PMFBP1: variants seen among roughly 807,000 people sequenced by gnomAD.
PMFBP1 encodes polyamine modulated factor 1 binding protein 1.
A neutral mutation model predicts 137.8 loss-of-function variants in PMFBP1; 131 were observed. The observed-to-expected ratio is 0.95, with a 90% CI of 0.82 to 1.10. The LOEUF is 1.10. PMFBP1 is among the 50% of genes least tolerant of loss of function. PMFBP1 has a pLI of 0.00. For synonymous variants in PMFBP1, 490 were observed against 450.4 expected (o/e 1.09, Z -1.11); for missense variants, 1,199 against 1,175.4 (o/e 1.02, Z -0.29).
At position 72,139,335 on chromosome 16, in the gene PMFBP1, T is replaced by C; in HGVS notation, c.872A>G (p.His291Arg). ...TTCTGAGGAGCTAGGAGGGTATCTG[T>C]GGGTGGCTGTACAGGAAGCAAAATC... ...QADFASCTAT[H>R]RYPPSSSEEC... The change falls in exon 7 of 21, where the codon CAC becomes CGC. Residue 291 changes from histidine (H) to arginine (R), a missense_variant. Transcript: ENST00000237353. 3 of 1,614,162 alleles carry C rather than the reference T, an allele frequency of 1.9e-6. No homozygotes were observed. Among genetic ancestry groups the C allele is most frequent in the Non-Finnish European group, 2.5e-6 (3 of 1,180,010 alleles).
At chr16:72,210,600 CATA>C in the PMFBP1 span, among the ~76,000 whole-genome samples, 1 of 152,128 alleles carries the variant, frequency 6.6e-6, no homozygotes, top group Non-Finnish European at 1.5e-5. Flanking sequence ...TTACTCCTGG[CATA>C]ATATTCTTTT....
chr16:72,208,159 C>T, the PMFBP1 span, among the ~76,000 whole-genome samples: 2 of 152,232 alleles, frequency 1.3e-5, no homozygotes, highest in South Asian at 2.1e-4. Context: ...CTCATACACA[C>T]ACCCAAGATA....
the PMFBP1 span, among the ~76,000 whole-genome samples, chr16:72,205,511 G>C: frequency 6.6e-6 from 1 of 152,154 alleles, no homozygotes; most frequent in Non-Finnish European, 1.5e-5. Flanking sequence ...GGATTGCTGT[G>C]GGTAGGGTGA....
At chr16:72,235,972 A>G in the PMFBP1 span, among the ~76,000 whole-genome samples, 6 of 152,076 alleles carry the variant, frequency 3.9e-5, no homozygotes, top group Non-Finnish European at 7.4e-5. Context: ...TCCAATCTGG[A>G]AGCTTTTAAT....
chr16:72,155,267 G>C (rs901159292), intron 3 of PMFBP1, among the ~76,000 whole-genome samples: 17 of 152,054 alleles, frequency 1.1e-4, no homozygotes, highest in Admixed American at 2.0e-4. Flanking sequence ...AGGTTAAGGT[G>C]GATAAAGAGG....
the PMFBP1 span, among the ~76,000 whole-genome samples, chr16:72,203,388 T>A: frequency 2.0e-5 from 3 of 152,228 alleles, no homozygotes; most frequent in Non-Finnish European, 4.4e-5. Context: ...AACTTTCCAA[T>A]GTTCCTTCCT....
intron 1 of PMFBP1, 137 bp downstream of exon 1, chr16:72,171,917 C>CAA (rs1448813945): frequency 2.0e-5 from 3 of 152,182 alleles, no homozygotes; most frequent in African/African-American, 7.2e-5. Context: ...CCCAGGAAAC[C>CAA]AAAGATCTTT....
the PMFBP1 span, among the ~76,000 whole-genome samples, chr16:72,204,025 G>C: frequency 2.5e-3 from 384 of 152,214 alleles, 1 homozygote; most frequent in Non-Finnish European, 4.2e-3. Flanking sequence ...TGTCCTTCCC[G>C]CTGCTTGGGA....
chr16:72,226,379 C>G, the PMFBP1 span, among the ~76,000 whole-genome samples: 1 of 152,184 alleles, frequency 6.6e-6, no homozygotes, highest in African/African-American at 2.4e-5. Flanking sequence ...TGCCCTGGTT[C>G]TGTCAAGGTC....
the PMFBP1 span, among the ~76,000 whole-genome samples, chr16:72,213,896 C>T: frequency 6.6e-6 from 1 of 152,160 alleles, no homozygotes; most frequent in Non-Finnish European, 1.5e-5. Flanking sequence ...AATCATAGTT[C>T]ACTACTTGGC....
chr16:72,174,769 C>T (rs2043251476), upstream of PMFBP1, among the ~76,000 whole-genome samples: 1 of 152,186 alleles, frequency 6.6e-6, no homozygotes, highest in South Asian at 2.1e-4. Flanking sequence ...CTCGTGAGAA[C>T]TCATTCACTA....
At chr16:72,240,755 G>GT in the PMFBP1 span, among the ~76,000 whole-genome samples, 1 of 152,236 alleles carries the variant, frequency 6.6e-6, no homozygotes, top group Non-Finnish European at 1.5e-5. Flanking sequence ...TGTTATGTCA[G>GT]TACAATTAGG....
At chr16:72,119,769 TTTC>T in intron 20 of PMFBP1, 79 bp downstream of exon 20, 3 of 1,556,082 alleles carry the variant, frequency 1.9e-6, no homozygotes, top group Non-Finnish European at 2.6e-6. Context: ...AAAGGCCTAT[TTTC>T]TTCTTCCTAC....
the PMFBP1 span, among the ~76,000 whole-genome samples, chr16:72,241,482 A>G: frequency 6.6e-6 from 1 of 152,210 alleles, no homozygotes; most frequent in African/African-American, 2.4e-5. Context: ...GGTTCAGTTA[A>G]TTACCTTAGA....
At chr16:72,190,391 C>A in the PMFBP1 span, among the ~76,000 whole-genome samples, 3 of 152,334 alleles carry the variant, frequency 2.0e-5, no homozygotes, top group South Asian at 2.1e-4. Flanking sequence ...TGCTTGATTT[C>A]TCTCACTGTC....
chr16:72,183,341 G>A, the PMFBP1 span, among the ~76,000 whole-genome samples: 1 of 152,208 alleles, frequency 6.6e-6, no homozygotes, highest in Admixed American at 6.5e-5. Context: ...GGGAGTCCAA[G>A]ATCAAGGTGT....
At chr16:72,178,463 AGTAGTATTCTAAT>A (rs1180544695), upstream of PMFBP1, among the ~76,000 whole-genome samples, 1 of 152,186 alleles carries the variant, frequency 6.6e-6, no homozygotes, top group Non-Finnish European at 1.5e-5. Context: ...TAATTGTTAC[AGTAGTATTCTAAT>A]GGGGGTCTTC....
At chr16:72,133,951 T>C (rs1445849628) in intron 9 of PMFBP1, among the ~76,000 whole-genome samples, 3 of 152,072 alleles carry the variant, frequency 2.0e-5, no homozygotes, top group Non-Finnish European at 4.4e-5. Flanking sequence ...ACACCATCTC[T>C]ACTAAAAATA....
At chr16:72,239,317 T>A in the PMFBP1 span, among the ~76,000 whole-genome samples, 1 of 152,216 alleles carries the variant, frequency 6.6e-6, no homozygotes, top group Non-Finnish European at 1.5e-5. Flanking sequence ...AATCAGTTTG[T>A]TCTTTTGTAA....
Sources: allele counts gnomAD v4.1 joint callset (sites outside exome capture counted in the v4.1 genomes callset), GRCh38; gene constraint gnomAD v4.1.1; transcripts MANE v1.5; gene names NCBI Gene and HGNC (gene_info 2026-07-23, HGNC 2026-07-21).